FER1L6: variants seen among roughly 807,000 people sequenced by gnomAD.
The protein encoded by FER1L6 is fer-1 like family member 6.
Under a neutral mutation model 219.2 loss-of-function variants are expected in FER1L6, and 177 were observed. The ratio of observed to expected loss-of-function variants is 0.81; its 90% CI spans 0.71 to 0.91. The LOEUF (loss-of-function observed/expected upper bound fraction) is 0.91, where lower values mean the gene tolerates loss of function less well. Among genes scored for constraint, FER1L6 ranks in the 40% least tolerant of loss-of-function variants. FER1L6 has a pLI of 0.00. For missense variants in FER1L6, 2,153 were observed against 2,259.9 expected (o/e 0.95, Z 0.96); for synonymous variants, 768 against 824.3 (o/e 0.93, Z 1.17).
At chr8:123,880,713 C>A (rs1448624770) in intron 1 of FER1L6, among the ~76,000 whole-genome samples, 1 of 152,142 alleles carries the variant, frequency 6.6e-6, no homozygotes, top group Non-Finnish European at 1.5e-5. Flanking sequence ...TTCTTGGGTA[C>A]CCAGGGAAAG....
chr8:123,912,322 T>A (rs932531119), intron 1 of FER1L6, among the ~76,000 whole-genome samples: 3 of 152,014 alleles, frequency 2.0e-5, no homozygotes, highest in Non-Finnish European at 4.4e-5. Context: ...TGTAAGAAGA[T>A]CATAGCCTTC....
intron 20 of FER1L6, among the ~76,000 whole-genome samples, chr8:124,042,227 A>G (rs1311947575): frequency 6.6e-6 from 1 of 152,234 alleles, no homozygotes; most frequent in Admixed American, 6.5e-5. Context: ...ATCTCAAAGG[A>G]ACAGATGGCT....
intron 1 of FER1L6, among the ~76,000 whole-genome samples, chr8:123,912,500 A>G (rs78010700): frequency 5.3e-5 from 8 of 152,150 alleles, no homozygotes; most frequent in African/African-American, 1.9e-4. Flanking sequence ...ATACACATTC[A>G]CAGATATAAT....
At chr8:123,861,272 G>T (rs1289248938) in intron 1 of FER1L6, among the ~76,000 whole-genome samples, 1 of 121,302 alleles carries the variant, frequency 8.2e-6, no homozygotes, top group African/African-American at 3.5e-5. Flanking sequence ...TCTCAGGTTT[G>T]TCAAAGATCA....
intron 20 of FER1L6, among the ~76,000 whole-genome samples, chr8:124,044,403 C>T (rs1819632574): frequency 6.6e-6 from 1 of 152,182 alleles, no homozygotes; most frequent in South Asian, 2.1e-4. Flanking sequence ...TGTGAAAATG[C>T]ACAATATTTT....
Position 124,076,315 on chromosome 8 carries a change from G to A in FER1L6, c.4210G>A (p.Val1404Ile). Residue 1404 changes from valine to isoleucine, a missense_variant, in exon 32 of 41, where the codon GTA becomes ATA. Val to Ile is a conservative substitution (Grantham distance 29). Coordinates refer to ENST00000522917, the MANE Select transcript of FER1L6 (RefSeq NM_001039112.2). Reference protein sequence around the residue: ...DKYIPKQLNPVFGRSFEIQAT... With the variant: ...DKYIPKQLNPIFGRSFEIQAT... ...ATACATCCCTAAACAACTGAACCCA[G>A]TATTTGGAAGGTCAGTGGCCATCTG... 1 of 1,613,528 alleles carries A rather than the reference G, an allele frequency of 6.2e-7. No individual in the cohort carries two copies. Among genetic ancestry groups the A allele is most frequent in the East Asian group, 2.2e-5 (1 of 44,874 alleles).
At chr8:123,913,714 G>T (rs1207996127) in intron 1 of FER1L6, among the ~76,000 whole-genome samples, 2 of 152,060 alleles carry the variant, frequency 1.3e-5, no homozygotes, top group African/African-American at 2.4e-5. Context: ...CAAGTTTGAG[G>T]GCTGGGCAAA....
intron 39 of FER1L6, among the ~76,000 whole-genome samples, chr8:124,110,466 C>T (rs188096311): frequency 6.6e-6 from 1 of 152,144 alleles, no homozygotes; most frequent in Non-Finnish European, 1.5e-5. Context: ...GAAGGGACAT[C>T]CAAACTGTCC....
chr8:124,019,731 T>C (rs1818372185), intron 16 of FER1L6, among the ~76,000 whole-genome samples: 1 of 152,230 alleles, frequency 6.6e-6, no homozygotes, highest in Non-Finnish European at 1.5e-5. Context: ...GAGGTCCTTG[T>C]CCTACTGAAG....
chr8:124,069,308 C>T lies in FER1L6; in HGVS notation c.3719-52C>T. ...AGGAAAGAAGGAGCTTGGCTTTGTT[C>T]CTTCTCATCTCAACCGCCATGAGAA... On this transcript the variant is annotated intron_variant, in intron 28 of 40. Transcript: ENST00000522917. 3.0e-6 allele frequency: 4 copies of T among 1,316,444 alleles called. No individual in the cohort carries two copies. The South Asian group carries it at 4.8e-5, about 16-fold the overall frequency. 81.5% of individuals were successfully genotyped at this position (1,316,444 alleles called of 1,614,324 possible).
intron 38 of FER1L6, 68 bp downstream of exon 38, chr8:124,101,406 G>T (rs559296526): frequency 7.0e-7 from 1 of 1,430,356 alleles, no homozygotes; most frequent in South Asian, 1.3e-5. Context: ...GGAGAGCTTG[G>T]TCTGATTTAG....
At chr8:124,046,662 T>C (rs937159763) in intron 21 of FER1L6, 5 of 152,204 alleles carry the variant, frequency 3.3e-5, no homozygotes, top group African/African-American at 1.2e-4. Context: ...CCCCACCTCC[T>C]CGCAGTACTC....
At chr8:123,909,951 A>C (rs1813022758) in intron 1 of FER1L6, among the ~76,000 whole-genome samples, 1 of 152,196 alleles carries the variant, frequency 6.6e-6, no homozygotes, top group Non-Finnish European at 1.5e-5. Context: ...TGGAGTCATA[A>C]AAAATTATAA....
At chr8:123,959,563 C>T (rs949798182) in intron 2 of FER1L6, among the ~76,000 whole-genome samples, 2 of 152,228 alleles carry the variant, frequency 1.3e-5, no homozygotes, top group African/African-American at 4.8e-5. Flanking sequence ...TACTGAGCAC[C>T]TACAAGGCCT....
intron 20 of FER1L6, among the ~76,000 whole-genome samples, chr8:124,042,614 C>A (rs1231531185): frequency 1.3e-5 from 2 of 152,220 alleles, no homozygotes; most frequent in African/African-American, 4.8e-5. Context: ...TGTTTCACTT[C>A]TGCGCTAACA....
At chr8:124,035,546 C>A in intron 19 of FER1L6, 92 bp downstream of exon 19, 1 of 1,322,716 alleles carries the variant, frequency 7.6e-7, no homozygotes, top group South Asian at 1.5e-5. Context: ...GAGTTTTTTG[C>A]ACATTATTTT....
Position 124,084,989 on chromosome 8 carries a change from T to G in FER1L6, c.4391+2531T>G, listed in dbSNP as rs542262157. 2.0e-5 allele frequency among the ~76,000 whole-genome samples: 3 copies of G among 152,158 alleles called. No individual in the cohort carries two copies. In the South Asian group the frequency reaches 6.2e-4, roughly 32 times the overall value. On this transcript the variant is annotated intron_variant, in intron 33 of 40. Coordinates refer to ENST00000522917, the MANE Select transcript of FER1L6 (RefSeq NM_001039112.2). ...TCTCCATGGTTCAATCTTGGTAGGT[T>G]GTATGTTTCTAGGAATTCACTCATT...
intron 12 of FER1L6, among the ~76,000 whole-genome samples, chr8:123,998,322 G>C (rs1335423189): frequency 1.5e-5 from 2 of 135,258 alleles, no homozygotes; most frequent in African/African-American, 5.6e-5. Context: ...GAATTCTCTT[G>C]ATTAATAGGC....
At chr8:124,007,279 T>A (rs1048228886) in intron 13 of FER1L6, among the ~76,000 whole-genome samples, 2 of 151,906 alleles carry the variant, frequency 1.3e-5, no homozygotes, top group African/African-American at 4.8e-5. Flanking sequence ...TCTCTCTCTT[T>A]CTCTCTCTCC....
Sources: gnomAD v4.1 joint callset for allele counts (sites outside exome capture counted in the v4.1 genomes callset) on GRCh38, gnomAD v4.1.1 for gene constraint, MANE v1.5 for transcripts, NCBI Gene and HGNC (gene_info 2026-07-23, HGNC 2026-07-21) for gene names.